Variants in MYO5B observed in about 807,000 individuals in gnomAD.
MYO5B encodes the protein myosin VB.
In MYO5B, 143 loss-of-function variants were observed where a neutral mutation model predicts 229.3. The observed-to-expected ratio is 0.62, with a 90% CI of 0.54 to 0.72. The LOEUF is 0.72. MYO5B is among the 30% of genes least tolerant of loss of function. MYO5B has a pLI of 0.00. For synonymous variants in MYO5B, 918 were observed against 885.2 expected (o/e 1.04, Z -0.66); for missense variants, 2,321 against 2,331.0 (o/e 1.00, Z 0.09).
chr18:50,163,334 C>T (rs528362529), intron 1 of MYO5B, among the ~76,000 whole-genome samples: 4 of 152,234 alleles, frequency 2.6e-5, no homozygotes, highest in African/African-American at 9.6e-5. Flanking sequence ...AGGGTGGTAC[C>T]CTCCACTCTC....
At chr18:50,136,150 TCA>T (rs1461349920) in intron 1 of MYO5B, among the ~76,000 whole-genome samples, 1 of 152,154 alleles carries the variant, frequency 6.6e-6, no homozygotes, top group Non-Finnish European at 1.5e-5. Context: ...TTCAGGAGCT[TCA>T]CAGGAGGATG....
At chr18:50,186,332 T>C (rs1312380823) in intron 1 of MYO5B, among the ~76,000 whole-genome samples, 2 of 152,238 alleles carry the variant, frequency 1.3e-5, no homozygotes, top group African/African-American at 4.8e-5. Context: ...TCCTGCATTG[T>C]ATGGATTGTT....
intron 4 of MYO5B, among the ~76,000 whole-genome samples, chr18:50,018,223 G>T (rs1416561925): frequency 6.6e-6 from 1 of 151,344 alleles, no homozygotes; most frequent in Non-Finnish European, 1.5e-5. Context: ...AGTAGTTGGG[G>T]TTACAGGTAC....
intron 4 of MYO5B, among the ~76,000 whole-genome samples, chr18:50,033,079 A>G (rs1179725341): frequency 6.6e-6 from 1 of 152,216 alleles, no homozygotes; most frequent in African/African-American, 2.4e-5. Context: ...CTTTTCAAAA[A>G]AACCATCAGA....
intron 4 of MYO5B, among the ~76,000 whole-genome samples, chr18:50,028,815 A>T (rs2026359158): frequency 6.6e-6 from 1 of 152,230 alleles, no homozygotes. Flanking sequence ...TTCTCCAAGT[A>T]AAATAGTGAA....
chr18:49,852,309 C>T (rs1352273445), intron 31 of MYO5B, among the ~76,000 whole-genome samples: 2 of 152,222 alleles, frequency 1.3e-5, no homozygotes, highest in African/African-American at 4.8e-5. Flanking sequence ...TCCTAGGCTG[C>T]CTCCTCTACC....
At chr18:49,948,626 A>G (rs1233281645) in intron 14 of MYO5B, among the ~76,000 whole-genome samples, 4 of 152,248 alleles carry the variant, frequency 2.6e-5, no homozygotes, top group African/African-American at 9.6e-5. Flanking sequence ...TAAAAAATTA[A>G]AAGTAAACAT....
intron 1 of MYO5B, among the ~76,000 whole-genome samples, chr18:50,114,557 G>A (rs746331007): frequency 1.1e-4 from 16 of 152,166 alleles, no homozygotes; most frequent in Non-Finnish European, 2.1e-4. Context: ...ATATAATAAA[G>A]TTACATAAAC....
At chr18:50,116,180 G>A (rs1016157910) in intron 1 of MYO5B, among the ~76,000 whole-genome samples, 13 of 152,098 alleles carry the variant, frequency 8.5e-5, no homozygotes, top group Admixed American at 6.6e-5. Context: ...CAAAGTTTTC[G>A]GCCATGGGCA....
At chr18:50,054,711 A>G (rs771760923) in intron 2 of MYO5B, among the ~76,000 whole-genome samples, 1 of 152,234 alleles carries the variant, frequency 6.6e-6, no homozygotes, top group Non-Finnish European at 1.5e-5. Context: ...TCACTACAGC[A>G]GCTAACACAT....
intron 1 of MYO5B, among the ~76,000 whole-genome samples, chr18:50,107,143 A>G (rs2031777486): frequency 1.1e-5 from 1 of 88,748 alleles, no homozygotes; most frequent in African/African-American, 4.3e-5. Flanking sequence ...TTTTTTTGAG[A>G]CAGTCTCCCT....
At chr18:50,113,506 T>C (rs1052568391) in intron 1 of MYO5B, among the ~76,000 whole-genome samples, 2 of 152,210 alleles carry the variant, frequency 1.3e-5, no homozygotes, top group Admixed American at 6.5e-5. Flanking sequence ...TCTGATATGG[T>C]TTAATTATTA....
At chr18:50,088,173 AG>A (rs1323321176) in intron 1 of MYO5B, among the ~76,000 whole-genome samples, 3 of 152,196 alleles carry the variant, frequency 2.0e-5, no homozygotes, top group Non-Finnish European at 2.9e-5. Flanking sequence ...AAAGGAGGGT[AG>A]AAGGAAATAA....
chr18:49,922,621 T>C (rs1243505840), intron 17 of MYO5B, among the ~76,000 whole-genome samples: 4 of 152,078 alleles, frequency 2.6e-5, no homozygotes, highest in Non-Finnish European at 4.4e-5. Flanking sequence ...TTTGACCCTT[T>C]AGCAAAACTT....
chr18:49,980,620 T>C lies in MYO5B; in HGVS notation c.947-67A>G, dbSNP rs957765551. On this transcript the variant is annotated intron_variant, in intron 8 of 39. Coordinates refer to ENST00000285039, the MANE Select transcript of MYO5B (RefSeq NM_001080467.3). ...TCGGACAGAAAGGACATTTTACCCCTTTTAAGGACATTTTTTTTTTTAATA... is the reference window on the plus strand; with the variant it reads ...TCGGACAGAAAGGACATTTTACCCCCTTTAAGGACATTTTTTTTTTTAATA... 1.0e-5 allele frequency: 12 copies of C among 1,179,932 alleles called. No individual in the cohort carries two copies. The African/African-American group carries it at 1.8e-4, about 18-fold the overall frequency. 73.1% of individuals were successfully genotyped at this position (1,179,932 alleles called of 1,614,324 possible).
chr18:49,911,547 G>A (rs894338800), intron 18 of MYO5B, among the ~76,000 whole-genome samples: 2 of 152,220 alleles, frequency 1.3e-5, no homozygotes, highest in Admixed American at 6.5e-5. Context: ...GGTTGTGTAA[G>A]TGCGTTTTTA....
chr18:49,853,646 G>A lies in MYO5B; in HGVS notation c.4024C>T (p.Leu1342=), dbSNP rs2024228149. ...TGGGCCTGCAGCTGAGCCTCCAGCA[G>A]CCTGTGCCAGGGAGAGGACAGGTGA... is the stretch of plus-strand genomic sequence containing the variant. ...AYQGLKQVAR[L]LEAQLQAQSL... The change falls in exon 31 of 40, where the codon CTG becomes TTG. Residue 1342 remains leucine, a splice_region_variant and synonymous_variant. Transcript: ENST00000285039. The A allele has an allele frequency of 5.6e-6, 9 of 1,612,072 alleles. No homozygotes were observed. In the East Asian group the frequency reaches 2.0e-4, roughly 36 times the overall value.
rs554432441 is a variant in MYO5B at position 50,174,894 on chromosome 18, C to A, written c.27+19873G>T. On this transcript the variant is annotated intron_variant, in intron 1 of 39. Transcript: ENST00000285039. ...CTGGCCTCAGACATCAGGCCCTGTT[C>A]CTGGAAGAACATATCCCATGCCAAG... 2.0e-5 allele frequency among the ~76,000 whole-genome samples: 3 copies of A among 152,306 alleles called. No homozygotes were observed. In the East Asian group the frequency reaches 5.8e-4, roughly 29 times the overall value.
intron 1 of MYO5B, among the ~76,000 whole-genome samples, chr18:50,188,977 C>T (rs1393936584): frequency 1.3e-5 from 2 of 152,004 alleles, no homozygotes; most frequent in African/African-American, 4.8e-5. Flanking sequence ...GCTTATAGGC[C>T]CATCTGAAAA....
Sources: gnomAD v4.1 joint callset for allele counts (sites outside exome capture counted in the v4.1 genomes callset) on GRCh38, gnomAD v4.1.1 for gene constraint, MANE v1.5 for transcripts, NCBI Gene and HGNC (gene_info 2026-07-23, HGNC 2026-07-21) for gene names.